PCDH15: variants seen among roughly 807,000 people sequenced by gnomAD.
The protein encoded by PCDH15 is protocadherin-15.
A neutral mutation model predicts 178.5 loss-of-function variants in PCDH15; 129 were observed. That is an observed-to-expected ratio of 0.72 (90% CI 0.63 to 0.84). PCDH15 has a LOEUF of 0.84. PCDH15 is among the 40% of genes least tolerant of loss of function. PCDH15 has a pLI of 0.00. For missense variants in PCDH15, 2,230 were observed against 2,099.9 expected (o/e 1.06, Z -1.21); for synonymous variants, 800 against 732.0 (o/e 1.09, Z -1.50).
chr10:55,195,678 A>C, intron 1 of PCDH15, among the ~76,000 whole-genome samples: 1 of 150,956 alleles, frequency 6.6e-6, no homozygotes, highest in East Asian at 2.0e-4. Flanking sequence ...AAAAAGTAGT[A>C]AAGGAGACAT....
chr10:54,856,825 T>G (rs532589754), intron 3 of PCDH15, among the ~76,000 whole-genome samples: 107 of 152,344 alleles, frequency 7.0e-4, no homozygotes, highest in African/African-American at 2.6e-3. Context: ...TGTTACCACC[T>G]CTAGGTATCT....
chr10:55,343,992 G>T (rs983647342), intron 2 of PCDH15, among the ~76,000 whole-genome samples: 5 of 152,118 alleles, frequency 3.3e-5, no homozygotes, highest in Non-Finnish European at 7.4e-5. Flanking sequence ...TAAAGAGGAG[G>T]TGTTATAATT....
At chr10:54,848,405 CTAAT>C (rs1953551428) in intron 3 of PCDH15, among the ~76,000 whole-genome samples, 1 of 138,588 alleles carries the variant, frequency 7.2e-6, no homozygotes, top group East Asian at 2.1e-4. Context: ...AAAAAAAAAG[CTAAT>C]TAATTAATCA....
Position 54,434,615 on chromosome 10 carries a change from T to C in PCDH15, c.158-55673A>G, listed in dbSNP as rs1228569605. On this transcript the variant is annotated intron_variant, in intron 3 of 37. Transcript: ENST00000644397. ...TAACATCTAGGTTTGTGTAAGTAAG[T>C]ACAGCCAATCATGTTCACACAATGA... 2.6e-5 allele frequency among the ~76,000 whole-genome samples: 4 copies of C among 152,192 alleles called. No individual in the cohort carries two copies. In the East Asian group the frequency reaches 7.7e-4, roughly 29 times the overall value.
intron 3 of PCDH15, among the ~76,000 whole-genome samples, chr10:54,458,388 TA>T (rs2076959489): frequency 1.3e-5 from 2 of 152,212 alleles, no homozygotes; most frequent in Non-Finnish European, 2.9e-5. Context: ...TCTGGCTTAA[TA>T]TATAAAGCCT....
chr10:54,720,351 A>G (rs147361959), intron 1 of PCDH15, among the ~76,000 whole-genome samples: 1,568 of 152,188 alleles, frequency 0.01, 13 homozygotes, highest in Non-Finnish European at 0.016. Context: ...TCACTAATGC[A>G]TATAGTCATC....
intron 2 of PCDH15, among the ~76,000 whole-genome samples, chr10:54,609,005 C>T (rs923204188): frequency 7.9e-5 from 12 of 151,978 alleles, no homozygotes; most frequent in African/African-American, 2.7e-4. Context: ...ATGATAATCA[C>T]GCACTACAAG....
chr10:54,176,316 A>T (rs2047435500), intron 13 of PCDH15, among the ~76,000 whole-genome samples: 1 of 152,162 alleles, frequency 6.6e-6, no homozygotes. Context: ...CCACAATAAA[A>T]CATGTGGGAG....
intron 2 of PCDH15, among the ~76,000 whole-genome samples, chr10:55,384,455 A>C (rs1313900643): frequency 6.6e-6 from 1 of 152,198 alleles, no homozygotes; most frequent in Non-Finnish European, 1.5e-5. Flanking sequence ...TATGATAAGA[A>C]GAAATTCATC....
At position 53,938,897 on chromosome 10, in the gene PCDH15, A is replaced by C; in HGVS notation, c.3291T>G (p.Tyr1097Ter). ...GVIYVNGPLD[Y>*]ETRTSYVLRV... is the part of the protein sequence containing the mutation. ...GAAGTACATAGCTTGTCCTGGTCTC[A>C]TAATCCAGAGGTCCATTCACATAGA... The change falls in exon 25 of 38, where the codon TAT becomes TAG. Residue 1097 changes from tyrosine to a stop codon, truncating the protein, a stop_gained. Coordinates refer to ENST00000644397, the MANE Select transcript of PCDH15 (RefSeq NM_001384140.1). LOFTEE classifies it high-confidence loss of function. 6.2e-7 allele frequency: 1 copy of C among 1,613,452 alleles called. No homozygotes were observed. The highest frequency in any genetic ancestry group is 2.2e-5 in the East Asian group (1 of 44,844).
At chr10:53,924,047 C>G (rs560425118) in intron 25 of PCDH15, among the ~76,000 whole-genome samples, 1 of 152,310 alleles carries the variant, frequency 6.6e-6, no homozygotes, top group South Asian at 2.1e-4. Flanking sequence ...CGCTTGATCT[C>G]AGCACCTCCT....
chr10:55,394,154 T>C (rs2132017051), intron 2 of PCDH15, among the ~76,000 whole-genome samples: 1 of 152,126 alleles, frequency 6.6e-6, no homozygotes, highest in African/African-American at 2.4e-5. Context: ...CAAAGCCCTC[T>C]TTTCTACTAT....
chr10:54,754,424 T>C (rs1313643115), intron 1 of PCDH15, among the ~76,000 whole-genome samples: 1 of 152,092 alleles, frequency 6.6e-6, no homozygotes, highest in Admixed American at 6.6e-5. Context: ...CAAATATAAT[T>C]TAAAATATAA....
intron 1 of PCDH15, among the ~76,000 whole-genome samples, chr10:55,266,936 A>G (rs1412378499): frequency 1.3e-5 from 2 of 152,220 alleles, no homozygotes; most frequent in Admixed American, 1.3e-4. Context: ...CTGGGGCTTC[A>G]GCTGTTAACA....
intron 1 of PCDH15, among the ~76,000 whole-genome samples, chr10:55,220,498 T>C (rs946991188): frequency 2.0e-5 from 3 of 152,054 alleles, no homozygotes; most frequent in Non-Finnish European, 4.4e-5. Context: ...TGTACGAACA[T>C]TATAGAGTAT....
intron 25 of PCDH15, among the ~76,000 whole-genome samples, chr10:53,916,303 C>T (rs1022841194): frequency 2.0e-5 from 3 of 152,122 alleles, no homozygotes; most frequent in Non-Finnish European, 4.4e-5. Context: ...CAGTAATATT[C>T]TAAGTATTAC....
chr10:54,329,780 A>C (rs1247041826), intron 6 of PCDH15, 74 bp from the exon 7 acceptor site: 1 of 991,862 alleles, frequency 1.0e-6, no homozygotes, highest in Non-Finnish European at 1.6e-6. Context: ...TTTTGGATTA[A>C]TCCTCTTGGA....
At chr10:55,459,543 T>C (rs1021016261) in intron 2 of PCDH15, among the ~76,000 whole-genome samples, 9 of 152,044 alleles carry the variant, frequency 5.9e-5, no homozygotes, top group African/African-American at 2.2e-4. Context: ...TCATCTAAAA[T>C]TTATGTGAGC....
At chr10:55,447,604 T>A (rs150566379) in intron 2 of PCDH15, among the ~76,000 whole-genome samples, 59 of 152,070 alleles carry the variant, frequency 3.9e-4, no homozygotes, top group African/African-American at 1.3e-3. Flanking sequence ...GATTGTAAAG[T>A]GTGGGAACAA....
Sources: allele counts gnomAD v4.1 joint callset (sites outside exome capture counted in the v4.1 genomes callset), GRCh38; gene constraint gnomAD v4.1.1; transcripts MANE v1.5; gene names NCBI Gene and HGNC (gene_info 2026-07-23, HGNC 2026-07-21).